Variants in MAML3 observed in about 807,000 individuals in gnomAD.
The protein encoded by MAML3 is mastermind-like protein 3.
MAML3 carries 27 observed loss-of-function variants against 101.9 expected under a neutral mutation model. The observed-to-expected ratio is 0.27, with a 90% CI of 0.20 to 0.37. The LOEUF (loss-of-function observed/expected upper bound fraction) is 0.37. Ranked by LOEUF, MAML3 falls within the 10% of genes least tolerant of loss-of-function variation. The probability of loss-of-function intolerance (pLI) is 1.00; values close to 1 mark genes in which losing one functional copy is unlikely to be tolerated. For missense variants in MAML3, 1,316 were observed against 1,444.9 expected (o/e 0.91, Z 1.45); for synonymous variants, 501 against 555.9 (o/e 0.90, Z 1.39).
intron 2 of MAML3, among the ~76,000 whole-genome samples, chr4:139,878,104 C>G (rs972870484): frequency 6.6e-6 from 1 of 152,160 alleles, no homozygotes; most frequent in Non-Finnish European, 1.5e-5. Context: ...AATTTTGCCT[C>G]GCTATTCCGC....
At chr4:140,071,488 T>C (rs1727651671) in intron 1 of MAML3, among the ~76,000 whole-genome samples, 1 of 152,190 alleles carries the variant, frequency 6.6e-6, no homozygotes, top group South Asian at 2.1e-4. Flanking sequence ...TTAACCCTGT[T>C]AGTTTTAAAT....
At chr4:140,076,487 A>G (rs1275076643) in intron 1 of MAML3, among the ~76,000 whole-genome samples, 1 of 152,116 alleles carries the variant, frequency 6.6e-6, no homozygotes, top group East Asian at 1.9e-4. Context: ...ACTCTCCTCC[A>G]TCCTGTACTG....
chr4:139,903,590 T>C (rs1732767521), intron 1 of MAML3, among the ~76,000 whole-genome samples: 1 of 152,194 alleles, frequency 6.6e-6, no homozygotes, highest in Admixed American at 6.5e-5. Context: ...ACTCCCAGTA[T>C]CTCAGAATGT....
intron 1 of MAML3, among the ~76,000 whole-genome samples, chr4:140,011,720 G>GTT (rs1726567750): frequency 6.6e-6 from 1 of 152,098 alleles, no homozygotes; most frequent in Admixed American, 6.6e-5. Context: ...TATTGCTTCA[G>GTT]GTTTGGCTAA....
chr4:139,792,180 G>C (rs756378095), intron 2 of MAML3, among the ~76,000 whole-genome samples: 1 of 152,192 alleles, frequency 6.6e-6, no homozygotes, highest in East Asian at 1.9e-4. Flanking sequence ...TATATGGAGA[G>C]AGCAGAATGA....
chr4:139,975,436 C>T (rs1036480126), intron 1 of MAML3, among the ~76,000 whole-genome samples: 7 of 152,172 alleles, frequency 4.6e-5, no homozygotes, highest in Non-Finnish European at 7.4e-5. Context: ...CACATGAACA[C>T]GCGTGCAGGC....
intron 1 of MAML3, among the ~76,000 whole-genome samples, chr4:140,029,205 C>T (rs1232846697): frequency 6.6e-6 from 1 of 152,190 alleles, no homozygotes; most frequent in East Asian, 1.9e-4. Context: ...AACACCAATT[C>T]AACTAGAGAA....
chr4:139,753,836 G>T (rs990357590), intron 2 of MAML3, among the ~76,000 whole-genome samples: 19 of 152,156 alleles, frequency 1.2e-4, no homozygotes, highest in African/African-American at 4.3e-4. Context: ...AGACGCACGG[G>T]TATGGCTGGC....
At chr4:139,733,348 T>A (rs1728798101) in intron 2 of MAML3, among the ~76,000 whole-genome samples, 1 of 152,116 alleles carries the variant, frequency 6.6e-6, no homozygotes, top group Non-Finnish European at 1.5e-5. Flanking sequence ...GATGGCCCTG[T>A]TTATCTTTGT....
At chr4:139,996,608 G>T (rs554301701) in intron 1 of MAML3, among the ~76,000 whole-genome samples, 12 of 151,852 alleles carry the variant, frequency 7.9e-5, no homozygotes, top group Non-Finnish European at 1.5e-4. Flanking sequence ...CATAGCAAAT[G>T]ATTTTTTACT....
intron 2 of MAML3, among the ~76,000 whole-genome samples, chr4:139,819,729 CT>C (rs1264475807): frequency 6.6e-6 from 1 of 152,196 alleles, no homozygotes; most frequent in African/African-American, 2.4e-5. Flanking sequence ...TTGGTAGCTT[CT>C]TAACAAATGC....
At chr4:139,990,769 A>G (rs1734656853) in intron 1 of MAML3, among the ~76,000 whole-genome samples, 1 of 152,174 alleles carries the variant, frequency 6.6e-6, no homozygotes, top group Admixed American at 6.5e-5. Context: ...AGACAAACAG[A>G]GAGCCAAATT....
intron 1 of MAML3, among the ~76,000 whole-genome samples, chr4:140,130,934 G>A (rs1288557444): frequency 1.3e-5 from 2 of 152,088 alleles, no homozygotes; most frequent in Non-Finnish European, 2.9e-5. Context: ...AAGGTGCTAG[G>A]AGAGCATGAG....
At chr4:140,090,720 C>T (rs536923020) in intron 1 of MAML3, among the ~76,000 whole-genome samples, 3 of 152,300 alleles carry the variant, frequency 2.0e-5, no homozygotes, top group South Asian at 2.1e-4. Context: ...GTGGCTACTA[C>T]TACATGCTTC....
intron 2 of MAML3, among the ~76,000 whole-genome samples, chr4:139,753,867 A>C (rs889165750): frequency 2.6e-5 from 4 of 152,172 alleles, no homozygotes; most frequent in Non-Finnish European, 5.9e-5. Flanking sequence ...CTCCTACATC[A>C]GAAGGGAGAC....
intron 1 of MAML3, among the ~76,000 whole-genome samples, chr4:140,098,477 T>G (rs1019203833): frequency 1.3e-5 from 2 of 152,242 alleles, no homozygotes; most frequent in African/African-American, 4.8e-5. Flanking sequence ...CAGGCTGTGT[T>G]GTAAACACAG....
chr4:140,084,950 A>G (rs1310724405), intron 1 of MAML3, among the ~76,000 whole-genome samples: 1 of 151,890 alleles, frequency 6.6e-6, no homozygotes, highest in Non-Finnish European at 1.5e-5. Flanking sequence ...GCGGCAGGGG[A>G]GGATAGCTAT....
At chr4:139,932,744 C>T (rs1030112366) in intron 1 of MAML3, among the ~76,000 whole-genome samples, 1 of 152,118 alleles carries the variant, frequency 6.6e-6, no homozygotes, top group Non-Finnish European at 1.5e-5. Flanking sequence ...GTGGGTTCAC[C>T]TGATGGACAA....
intron 2 of MAML3, among the ~76,000 whole-genome samples, chr4:139,836,469 C>A (rs1319039019): frequency 6.6e-6 from 1 of 152,178 alleles, no homozygotes; most frequent in African/African-American, 2.4e-5. Flanking sequence ...GTTATGAGAA[C>A]TATTTCCAAT....
Sources: gnomAD v4.1 joint callset for allele counts (sites outside exome capture counted in the v4.1 genomes callset) on GRCh38, gnomAD v4.1.1 for gene constraint, MANE v1.5 for transcripts, NCBI Gene and HGNC (gene_info 2026-07-23, HGNC 2026-07-21) for gene names.